ST8SIA6: variants seen among roughly 807,000 people sequenced by gnomAD.
ST8SIA6 encodes alpha-2,8-sialyltransferase 8F.
In ST8SIA6, 39 loss-of-function variants were observed where a neutral mutation model predicts 33.6. That is an observed-to-expected ratio of 1.16 (90% CI 0.90 to 1.52). The LOEUF (loss-of-function observed/expected upper bound fraction) is 1.52. Among genes scored for constraint, ST8SIA6 ranks in the 40% most tolerant of loss-of-function variants. The pLI is 0.00. For missense variants in ST8SIA6, 441 were observed against 443.8 expected (o/e 0.99, Z 0.06); for synonymous variants, 172 against 167.2 (o/e 1.03, Z -0.22).
chr10:17,400,224 A>C (rs1478085581), intron 2 of ST8SIA6, among the ~76,000 whole-genome samples: 1 of 152,132 alleles, frequency 6.6e-6, no homozygotes, highest in East Asian at 1.9e-4. Context: ...ACAGGATCAG[A>C]ATCAGACACT....
At chr10:17,341,172 T>G (rs1355784491) in intron 4 of ST8SIA6, among the ~76,000 whole-genome samples, 10 of 152,196 alleles carry the variant, frequency 6.6e-5, no homozygotes, top group Non-Finnish European at 2.9e-5. Context: ...ATTGTATATT[T>G]AAAGGAATCA....
intron 3 of ST8SIA6, among the ~76,000 whole-genome samples, chr10:17,380,709 C>T (rs930207571): frequency 1.3e-5 from 2 of 152,068 alleles, no homozygotes; most frequent in African/African-American, 4.8e-5. Context: ...GATTAAAAGT[C>T]AGCTTAATGA....
chr10:17,322,354 T>A (rs988701627), intron 7 of ST8SIA6, among the ~76,000 whole-genome samples: 1 of 152,198 alleles, frequency 6.6e-6, no homozygotes, highest in Non-Finnish European at 1.5e-5. Context: ...AGGTTATTTT[T>A]AAAAATTTCC....
At chr10:17,377,528 T>C (rs1849958432) in intron 3 of ST8SIA6, among the ~76,000 whole-genome samples, 1 of 152,240 alleles carries the variant, frequency 6.6e-6, no homozygotes, top group African/African-American at 2.4e-5. Flanking sequence ...GGGATAGGCA[T>C]GTGAACAAGA....
At chr10:17,423,807 A>C (rs1851852090) in intron 2 of ST8SIA6, among the ~76,000 whole-genome samples, 1 of 152,240 alleles carries the variant, frequency 6.6e-6, no homozygotes, top group Non-Finnish European at 1.5e-5. Flanking sequence ...CAGGAATCTT[A>C]CATCTCTGTC....
rs1369837545 is a variant in ST8SIA6, at chr10:17,333,708, TATATA to T, written c.378-2161_378-2157del. 1.8e-4 allele frequency among the ~76,000 whole-genome samples: 6 copies of T among 33,868 alleles called. No homozygotes were observed. The East Asian group carries it at 7.4e-3, about 42-fold the overall frequency. 22.2% of individuals were successfully genotyped at this position (33,868 alleles called of 152,430 possible). A position where few individuals can be genotyped will look rare whatever the true frequency, so the allele number is the denominator to read the frequency against. On this transcript the variant is annotated intron_variant, in intron 4 of 7. Coordinates refer to ENST00000377602, the MANE Select transcript of ST8SIA6 (RefSeq NM_001004470.3). ...ATATATATATATATATATATATATA[TATATA>T]TATATTTTTTTTTTTTTTTTTTTTT...
intron 3 of ST8SIA6, among the ~76,000 whole-genome samples, chr10:17,369,592 A>G (rs1849666055): frequency 6.6e-6 from 1 of 152,172 alleles, no homozygotes; most frequent in African/African-American, 2.4e-5. Flanking sequence ...GGTGTTCTTC[A>G]GGGTCTTCTA....
At chr10:17,444,101 C>T (rs1362462900) in intron 2 of ST8SIA6, among the ~76,000 whole-genome samples, 1 of 152,224 alleles carries the variant, frequency 6.6e-6, no homozygotes, top group African/African-American at 2.4e-5. Context: ...ACCACCCCTC[C>T]AAAGATATCC....
intron 4 of ST8SIA6, among the ~76,000 whole-genome samples, chr10:17,342,444 C>T (rs1390880263): frequency 6.6e-6 from 1 of 152,108 alleles, no homozygotes; most frequent in East Asian, 1.9e-4. Flanking sequence ...TAAATATTTC[C>T]TCATTGAATG....
intron 4 of ST8SIA6, among the ~76,000 whole-genome samples, chr10:17,334,496 G>A (rs952035054): frequency 1.3e-5 from 2 of 148,754 alleles, no homozygotes; most frequent in African/African-American, 2.5e-5. Context: ...CCGCAGTAGC[G>A]CCACTGCACT....
intron 4 of ST8SIA6, among the ~76,000 whole-genome samples, chr10:17,346,301 A>G (rs1420226551): frequency 6.6e-6 from 1 of 152,158 alleles, no homozygotes; most frequent in Admixed American, 6.5e-5. Flanking sequence ...AACCCTATGA[A>G]AGCCCTCCAT....
Position 17,333,713 on chromosome 10 carries a change from A to ATTT in ST8SIA6, c.378-2162_378-2161insAAA, listed in dbSNP as rs1564405114. Among the ~76,000 whole-genome samples the ATTT allele has an allele frequency of 1.5e-3, 39 of 25,676 alleles. 3 individuals carry two copies. The highest frequency in any genetic ancestry group is 1.9e-3 in the Admixed American group (3 of 1,598). 16.8% of individuals were successfully genotyped at this position (25,676 alleles called of 152,430 possible). On this transcript the variant is annotated intron_variant, in intron 4 of 7. Coordinates refer to ENST00000377602, the MANE Select transcript of ST8SIA6 (RefSeq NM_001004470.3). The stretch of plus-strand genomic sequence containing the variant: ...TATATATATATATATATATATATAT[A>ATTT]TATATTTTTTTTTTTTTTTTTTTTT...
intron 3 of ST8SIA6, among the ~76,000 whole-genome samples, chr10:17,387,584 C>A (rs1309830437): frequency 6.6e-6 from 1 of 151,990 alleles, no homozygotes; most frequent in Non-Finnish European, 1.5e-5. Context: ...CTAGGATTTT[C>A]ATAGGGCTAT....
intron 5 of ST8SIA6, among the ~76,000 whole-genome samples, chr10:17,328,877 G>C (rs1297637139): frequency 2.0e-5 from 3 of 152,174 alleles, no homozygotes. Context: ...TTTGTGAGCT[G>C]GTTTTTTAAA....
At chr10:17,360,241 A>G (rs1358024865) in intron 3 of ST8SIA6, among the ~76,000 whole-genome samples, 1 of 152,082 alleles carries the variant, frequency 6.6e-6, no homozygotes, top group Non-Finnish European at 1.5e-5. Flanking sequence ...TTGCGTTCTC[A>G]TTTGAAATGC....
rs551963096 is a variant in ST8SIA6 at position 17,352,428 on chromosome 10, G to C, written c.377+7086C>G. Among the ~76,000 whole-genome samples, 29 of 152,216 alleles carry C rather than the reference G, an allele frequency of 1.9e-4. No individual in the cohort carries two copies. The South Asian group carries it at 6.0e-3, about 32-fold the overall frequency. On this transcript the variant is annotated intron_variant, in intron 4 of 7. Coordinates refer to ENST00000377602, the MANE Select transcript of ST8SIA6 (RefSeq NM_001004470.3). ...TTGAAATATAAACTCATGAGTGAAG[G>C]AACAATGTTAAAACACTGGAGAAAG... is the stretch of plus-strand genomic sequence containing the variant.
At chr10:17,452,654 T>C (rs1040441673) in intron 2 of ST8SIA6, among the ~76,000 whole-genome samples, 1 of 152,320 alleles carries the variant, frequency 6.6e-6, no homozygotes, top group Non-Finnish European at 1.5e-5. Context: ...ATGCATTTCA[T>C]AGAATTACTG....
At chr10:17,421,616 G>C (rs564737623) in intron 2 of ST8SIA6, among the ~76,000 whole-genome samples, 1 of 152,054 alleles carries the variant, frequency 6.6e-6, no homozygotes, top group South Asian at 2.1e-4. Context: ...AGGCTAGAGT[G>C]TAGTGGTGTA....
At chr10:17,336,848 C>A (rs912128985) in intron 4 of ST8SIA6, among the ~76,000 whole-genome samples, 96 of 152,236 alleles carry the variant, frequency 6.3e-4, no homozygotes, top group African/African-American at 2.2e-3. Context: ...CCCCCCTCGG[C>A]CTCCAAAAGT....
Sources: allele counts gnomAD v4.1 joint callset (sites outside exome capture counted in the v4.1 genomes callset), GRCh38; gene constraint gnomAD v4.1.1; transcripts MANE v1.5; gene names NCBI Gene and HGNC (gene_info 2026-07-23, HGNC 2026-07-21).